Variants in TMEM132B observed in about 807,000 individuals in gnomAD.
TMEM132B encodes the protein transmembrane protein 132B.
Under a neutral mutation model 90.8 loss-of-function variants are expected in TMEM132B, and 18 were observed. That is an observed-to-expected ratio of 0.20 (90% CI 0.14 to 0.29). TMEM132B has a LOEUF of 0.29. Among genes scored for constraint, TMEM132B ranks in the 10% least tolerant of loss-of-function variants. The pLI is 1.00. For missense variants in TMEM132B, 1,096 were observed against 1,326.8 expected (o/e 0.83, Z 2.70); for synonymous variants, 504 against 523.3 (o/e 0.96, Z 0.50).
intron 4 of TMEM132B, among the ~76,000 whole-genome samples, chr12:125,550,966 G>A (rs543134360): frequency 8.5e-5 from 13 of 152,266 alleles, no homozygotes; most frequent in Admixed American, 5.9e-4. Flanking sequence ...TTATGTGCCA[G>A]CACGCTCAGC....
At chr12:125,438,130 A>G (rs1463291105) in intron 3 of TMEM132B, among the ~76,000 whole-genome samples, 1 of 152,224 alleles carries the variant, frequency 6.6e-6, no homozygotes, top group Non-Finnish European at 1.5e-5. Flanking sequence ...ACAAGAATCA[A>G]CTGCATTCTT....
chr12:125,326,268 TTGTCC>T (rs1391829824), intron 1 of TMEM132B, among the ~76,000 whole-genome samples: 1 of 152,204 alleles, frequency 6.6e-6, no homozygotes, highest in Non-Finnish European at 1.5e-5. Flanking sequence ...AGCTCAGCAC[TTGTCC>T]TGTCCCCGTG....
At chr12:125,276,499 A>G (rs1295810467) in intron 1 of TMEM132B, among the ~76,000 whole-genome samples, 1 of 152,216 alleles carries the variant, frequency 6.6e-6, no homozygotes, top group Non-Finnish European at 1.5e-5. Flanking sequence ...CGAGTAGGCC[A>G]TGGGCTATGC....
At chr12:125,457,807 C>A (rs773708247) in intron 3 of TMEM132B, among the ~76,000 whole-genome samples, 1 of 152,118 alleles carries the variant, frequency 6.6e-6, no homozygotes, top group Admixed American at 6.5e-5. Context: ...GATGCAAAGG[C>A]CACAGGTGTA....
intron 4 of TMEM132B, among the ~76,000 whole-genome samples, chr12:125,577,525 CATT>C (rs1884967234): frequency 6.7e-6 from 1 of 149,502 alleles, no homozygotes; most frequent in East Asian, 1.9e-4. Context: ...TTCAACATAA[CATT>C]ATTTAATAGT....
At chr12:125,637,909 A>G (rs1454807168) in intron 5 of TMEM132B, among the ~76,000 whole-genome samples, 1 of 152,220 alleles carries the variant, frequency 6.6e-6, no homozygotes, top group Non-Finnish European at 1.5e-5. Context: ...GGGGTGACAG[A>G]ATGTTCTGTC....
At position 125,324,886 on chromosome 12, in the gene TMEM132B, A is replaced by G. The variant is rs117488680; in HGVS notation, c.68-24566A>G. 4.6e-4 allele frequency among the ~76,000 whole-genome samples: 70 copies of G among 152,238 alleles called. 2 individuals carry two copies. The East Asian group carries it at 0.013, about 29-fold the overall frequency. On this transcript the variant is annotated intron_variant, in intron 1 of 8. Transcript: ENST00000682704. Reference sequence around the variant, plus strand: ...TTGGATCTTATCAGCTTGAAAGGTGAGCTGTGGACGTGGCAATCTCTTATT... The same window carrying G: ...TTGGATCTTATCAGCTTGAAAGGTGGGCTGTGGACGTGGCAATCTCTTATT...
chr12:125,630,201 G>A (rs1400078444), intron 5 of TMEM132B, among the ~76,000 whole-genome samples: 2 of 152,032 alleles, frequency 1.3e-5, no homozygotes, highest in Non-Finnish European at 2.9e-5. Context: ...GGAATAGTTT[G>A]AATAAGATTG....
intron 1 of TMEM132B, among the ~76,000 whole-genome samples, chr12:125,258,579 T>A (rs1874491445): frequency 6.6e-6 from 1 of 152,130 alleles, no homozygotes; most frequent in Non-Finnish European, 1.5e-5. Context: ...TTGAGGATCC[T>A]GTCTCCAGAG....
intron 1 of TMEM132B, among the ~76,000 whole-genome samples, chr12:125,337,378 TG>T (rs1228043756): frequency 6.6e-6 from 1 of 152,094 alleles, no homozygotes; most frequent in Non-Finnish European, 1.5e-5. Flanking sequence ...TTTCCTCGCG[TG>T]GAGGTTCCAG....
At chr12:125,465,724 G>C (rs559372019) in intron 3 of TMEM132B, among the ~76,000 whole-genome samples, 2 of 152,310 alleles carry the variant, frequency 1.3e-5, no homozygotes, top group East Asian at 3.9e-4. Context: ...AGGCCATCTG[G>C]TCAATACAGT....
At chr12:125,387,170 G>C (rs963788285) in intron 2 of TMEM132B, among the ~76,000 whole-genome samples, 2 of 151,704 alleles carry the variant, frequency 1.3e-5, no homozygotes, top group Non-Finnish European at 2.9e-5. Context: ...GGAGATGGTG[G>C]GGGGGTGGGT....
At chr12:125,474,019 CTTCCTTCT>C (rs1232459606) in intron 3 of TMEM132B, among the ~76,000 whole-genome samples, 1 of 145,162 alleles carries the variant, frequency 6.9e-6, no homozygotes, top group South Asian at 2.2e-4. Flanking sequence ...CCTTTCCTTC[CTTCCTTCT>C]TTCCTTCCTT....
intron 1 of TMEM132B, among the ~76,000 whole-genome samples, chr12:125,343,205 A>C (rs1042192424): frequency 3.3e-5 from 5 of 152,202 alleles, no homozygotes; most frequent in Admixed American, 6.5e-5. Flanking sequence ...AGGATATGTA[A>C]GGTGGTTTAT....
intron 3 of TMEM132B, among the ~76,000 whole-genome samples, chr12:125,419,835 A>G (rs888173166): frequency 6.6e-6 from 1 of 152,252 alleles, no homozygotes; most frequent in Non-Finnish European, 1.5e-5. Flanking sequence ...ATGAGGGTAT[A>G]GGCATGTGGT....
intron 2 of TMEM132B, among the ~76,000 whole-genome samples, chr12:125,378,666 T>A (rs1459586664): frequency 6.6e-6 from 1 of 152,244 alleles, no homozygotes; most frequent in African/African-American, 2.4e-5. Flanking sequence ...CAGAGCTACC[T>A]ACTTGCATTT....
chr12:125,562,960 G>A (rs1884569252), intron 4 of TMEM132B, among the ~76,000 whole-genome samples: 1 of 151,988 alleles, frequency 6.6e-6, no homozygotes, highest in East Asian at 1.9e-4. Flanking sequence ...TTTCAATATT[G>A]CATGTCTCTT....
chr12:125,303,367 A>T (rs1875882155), intron 1 of TMEM132B, among the ~76,000 whole-genome samples: 1 of 152,080 alleles, frequency 6.6e-6, no homozygotes, highest in Admixed American at 6.6e-5. Context: ...GATAGATCAC[A>T]TTTGTTTATT....
Position 125,432,509 on chromosome 12 carries a change from G to A in TMEM132B, c.1106+16832G>A, listed in dbSNP as rs1313657800. Among the ~76,000 whole-genome samples, 31 of 10,490 alleles carry A rather than the reference G, an allele frequency of 3.0e-3. 3 individuals are homozygous for A. The highest frequency in any genetic ancestry group is 0.012 in the African/African-American group (30 of 2,518). 6.9% of individuals were successfully genotyped at this position (10,490 alleles called of 152,430 possible). ...TATGTATGTGTATATATATGTGTGT[G>A]TGTATATATATATATATATAGAGAG... On this transcript the variant is annotated intron_variant, in intron 3 of 8. Transcript: ENST00000682704.
Sources: allele counts gnomAD v4.1 joint callset (sites outside exome capture counted in the v4.1 genomes callset), GRCh38; gene constraint gnomAD v4.1.1; transcripts MANE v1.5; gene names NCBI Gene and HGNC (gene_info 2026-07-23, HGNC 2026-07-21).